Variants in CSMD1 observed in about 807,000 individuals in gnomAD.
CSMD1 encodes CUB and Sushi multiple domains 1, also known as CUB and sushi domain-containing protein 1.
In CSMD1, 213 loss-of-function variants were observed where a neutral mutation model predicts 417.5. The observed-to-expected ratio is 0.51, with a 90% CI of 0.46 to 0.57. The LOEUF (loss-of-function observed/expected upper bound fraction) is 0.57, where lower values mean the gene tolerates loss of function less well. CSMD1 is among the 20% of genes least tolerant of loss of function. The pLI is 0.00. For missense variants in CSMD1, 6,923 were observed against 4,529.7 expected (o/e 1.53, Z -15.17); for synonymous variants, 2,862 against 1,736.8 (o/e 1.65, Z -16.11).
chr8:3,326,751 T>G (rs949884995), intron 23 of CSMD1, among the ~76,000 whole-genome samples: 3 of 152,238 alleles, frequency 2.0e-5, no homozygotes, highest in African/African-American at 7.2e-5. Flanking sequence ...CTGCCTCATC[T>G]ATTGTGATAT....
chr8:3,064,099 G>A (rs1032586631), intron 49 of CSMD1, among the ~76,000 whole-genome samples: 3 of 152,198 alleles, frequency 2.0e-5, no homozygotes, highest in Non-Finnish European at 2.9e-5. Flanking sequence ...AAATGAAGCA[G>A]CAAGCACAGC....
intron 3 of CSMD1, among the ~76,000 whole-genome samples, chr8:4,353,142 T>C (rs972375973): frequency 2.0e-5 from 3 of 152,206 alleles, no homozygotes; most frequent in Non-Finnish European, 4.4e-5. Context: ...GGTTTGGCTG[T>C]GTCCCCACAC....
intron 26 of CSMD1, among the ~76,000 whole-genome samples, chr8:3,273,540 C>T (rs566570822): frequency 7.2e-5 from 11 of 152,252 alleles, no homozygotes; most frequent in East Asian, 1.9e-4. Flanking sequence ...TGGTAGAATT[C>T]GGTTGTGAGT....
chr8:3,534,038 G>T (rs759755651), intron 10 of CSMD1, among the ~76,000 whole-genome samples: 31 of 152,198 alleles, frequency 2.0e-4, no homozygotes, highest in Non-Finnish European at 3.4e-4. Flanking sequence ...ATGAATAAAA[G>T]TCATTGCTTG....
intron 40 of CSMD1, among the ~76,000 whole-genome samples, chr8:3,149,818 T>G (rs1278654430): frequency 2.0e-5 from 3 of 152,312 alleles, no homozygotes; most frequent in Admixed American, 6.5e-5. Flanking sequence ...CTGGAGCCCC[T>G]GTGCCTTAAC....
intron 7 of CSMD1, among the ~76,000 whole-genome samples, chr8:3,671,508 TATATGATCATATATATGATC>T (rs1432783474): frequency 2.3e-3 from 11 of 4,868 alleles, no homozygotes; most frequent in African/African-American, 4.1e-3. Context: ...TATATATATA[TATATGATCATATATATGATC>T]ATATATATAT....
intron 7 of CSMD1, among the ~76,000 whole-genome samples, chr8:3,692,663 C>A (rs1800316718): frequency 6.6e-6 from 1 of 152,068 alleles, no homozygotes; most frequent in Admixed American, 6.6e-5. Flanking sequence ...GAACCCCTGA[C>A]CTCAAATGAT....
chr8:3,038,669 GA>G (rs1490980154), intron 50 of CSMD1, among the ~76,000 whole-genome samples: 2 of 151,430 alleles, frequency 1.3e-5, no homozygotes, highest in Non-Finnish European at 2.9e-5. Flanking sequence ...CTCAAATTAA[GA>G]ATATCCTTAG....
intron 61 of CSMD1, among the ~76,000 whole-genome samples, chr8:2,961,526 A>G (rs913025811): frequency 2.1e-4 from 32 of 152,258 alleles, no homozygotes; most frequent in Middle Eastern, 3.4e-3. Context: ...ACTATCTTCA[A>G]TAATGACCTA....
At chr8:4,322,741 T>C (rs375816813) in intron 3 of CSMD1, among the ~76,000 whole-genome samples, 2 of 152,214 alleles carry the variant, frequency 1.3e-5, no homozygotes, top group Non-Finnish European at 2.9e-5. Flanking sequence ...GTGCCTGTAA[T>C]ACCAGCACTT....
intron 2 of CSMD1, among the ~76,000 whole-genome samples, chr8:4,438,794 A>G (rs187791825): frequency 2.0e-3 from 309 of 152,324 alleles, no homozygotes; most frequent in African/African-American, 7.1e-3. Context: ...TTGAAGGATC[A>G]AAAGATTTGC....
At chr8:4,943,842 GAAGC>G (rs1253200537) in intron 1 of CSMD1, among the ~76,000 whole-genome samples, 4 of 152,084 alleles carry the variant, frequency 2.6e-5, no homozygotes, top group Non-Finnish European at 5.9e-5. Context: ...AGAACAAATC[GAAGC>G]CAAGATAGAG....
At chr8:4,607,806 C>G (rs1029577832) in intron 2 of CSMD1, among the ~76,000 whole-genome samples, 1 of 152,140 alleles carries the variant, frequency 6.6e-6, no homozygotes, top group African/African-American at 2.4e-5. Context: ...TGAGTGTGTA[C>G]TTTTCCCTTT....
intron 3 of CSMD1, among the ~76,000 whole-genome samples, chr8:4,070,574 G>C (rs1585248926): frequency 6.6e-6 from 1 of 152,030 alleles, no homozygotes; most frequent in Admixed American, 6.6e-5. Flanking sequence ...AGCCAGGATG[G>C]TCTCGTTCTC....
intron 3 of CSMD1, among the ~76,000 whole-genome samples, chr8:4,069,205 C>G (rs975453450): frequency 6.6e-6 from 1 of 152,018 alleles, no homozygotes; most frequent in Non-Finnish European, 1.5e-5. Context: ...CTGATTGAGG[C>G]GTGAATGTAA....
chr8:3,689,519 T>C (rs1209777788), intron 7 of CSMD1, among the ~76,000 whole-genome samples: 1 of 152,182 alleles, frequency 6.6e-6, no homozygotes, highest in Non-Finnish European at 1.5e-5. Flanking sequence ...ACATTTCCAT[T>C]TTCTTCTTTT....
intron 5 of CSMD1, among the ~76,000 whole-genome samples, chr8:3,995,738 G>T (rs1456003410): frequency 6.6e-6 from 1 of 152,186 alleles, no homozygotes; most frequent in Non-Finnish European, 1.5e-5. Flanking sequence ...CAAGCAAATA[G>T]GACAATATAA....
Position 3,685,838 on chromosome 8 carries a change from G to A in CSMD1, c.1009+22576C>T, listed in dbSNP as rs190153263. On this transcript the variant is annotated intron_variant, in intron 7 of 69. Coordinates refer to ENST00000635120, the MANE Select transcript of CSMD1 (RefSeq NM_033225.6). ...AGATGTTTTGACACAGGCATGCGAC[G>A]TAAAATAATCACATCATGGAGAATG... Among the ~76,000 whole-genome samples, 29 of 152,084 alleles carry A rather than the reference G, an allele frequency of 1.9e-4. 1 individual carries two copies. In the East Asian group the frequency reaches 3.7e-3, roughly 19 times the overall value.
intron 26 of CSMD1, among the ~76,000 whole-genome samples, chr8:3,261,538 C>T (rs776924172): frequency 6.6e-5 from 10 of 152,180 alleles, no homozygotes; most frequent in Non-Finnish European, 1.0e-4. Flanking sequence ...GAAAAGAAAA[C>T]CTGCGCGTGA....
Sources: allele counts gnomAD v4.1 joint callset (sites outside exome capture counted in the v4.1 genomes callset), GRCh38; gene constraint gnomAD v4.1.1; transcripts MANE v1.5; gene names NCBI Gene and HGNC (gene_info 2026-07-23, HGNC 2026-07-21).